CSN1S1: variants seen among roughly 807,000 people sequenced by gnomAD.
The protein encoded by CSN1S1 is alpha-S1-casein.
A neutral mutation model predicts 49.1 loss-of-function variants in CSN1S1; 63 were observed. The ratio of observed to expected loss-of-function variants is 1.28; its 90% CI spans 1.05 to 1.58. The LOEUF (loss-of-function observed/expected upper bound fraction) is 1.58, where lower values mean the gene tolerates loss of function less well. CSN1S1 is among the 40% of genes most tolerant of loss of function. CSN1S1 has a pLI of 0.00. For missense variants in CSN1S1, 260 were observed against 224.7 expected (o/e 1.16, Z -1.01); for synonymous variants, 78 against 67.1 (o/e 1.16, Z -0.79).
chr4:69,940,208 G>T (rs1722931642), intron 11 of CSN1S1, among the ~76,000 whole-genome samples, 164 bp downstream of exon 11: 2 of 150,072 alleles, frequency 1.3e-5, no homozygotes. Context: ...TTTATCAAAG[G>T]CAAATAAATA....
intron 5 of CSN1S1, among the ~76,000 whole-genome samples, chr4:69,936,180 C>A (rs1008000199): frequency 6.6e-6 from 1 of 151,946 alleles, no homozygotes; most frequent in East Asian, 1.9e-4. Flanking sequence ...AATATTAGTT[C>A]ATTTGTGAAA....
chr4:69,943,180 ATT>A (rs1723031664), intron 14 of CSN1S1, among the ~76,000 whole-genome samples: 1 of 143,520 alleles, frequency 7.0e-6, no homozygotes, highest in African/African-American at 2.8e-5. Context: ...TATTATTATT[ATT>A]ATTATTATTA....
At chr4:69,942,491 C>T in intron 13 of CSN1S1, 45 bp from the exon 14 acceptor site, 1 of 1,449,162 alleles carries the variant, frequency 6.9e-7, no homozygotes, top group South Asian at 1.2e-5. Flanking sequence ...ATGTGTTGTA[C>T]CAGAAGATGT....
At chr4:69,940,954 A>G (rs1722952509) in intron 11 of CSN1S1, 65 bp from the exon 12 acceptor site, 3 of 801,122 alleles carry the variant, frequency 3.7e-6, no homozygotes, top group Non-Finnish European at 4.0e-6. Flanking sequence ...GTTTCATCAT[A>G]TGAAAATGAT....
chr4:69,942,647 A>T, intron 14 of CSN1S1, 70 bp downstream of exon 14: 3 of 1,200,876 alleles, frequency 2.5e-6, no homozygotes, highest in Non-Finnish European at 3.6e-6. Context: ...GCTCTTAAAT[A>T]GCCCCCTACT....
chr4:69,939,482 C>A (rs1350958651), intron 10 of CSN1S1, among the ~76,000 whole-genome samples: 1 of 151,682 alleles, frequency 6.6e-6, no homozygotes, highest in African/African-American at 2.4e-5. Context: ...TTGTCCTTCG[C>A]AGATTTTGTT....
At chr4:69,944,472 A>T (rs1723084926) in intron 14 of CSN1S1, among the ~76,000 whole-genome samples, 1 of 151,978 alleles carries the variant, frequency 6.6e-6, no homozygotes, top group Non-Finnish European at 1.5e-5. Context: ...CTTTAAGGAA[A>T]ATTATATATC....
At chr4:69,937,324 T>C (rs1426563884) in intron 8 of CSN1S1, among the ~76,000 whole-genome samples, 180 bp downstream of exon 8, 1 of 150,166 alleles carries the variant, frequency 6.7e-6, no homozygotes, top group Non-Finnish European at 1.5e-5. Context: ...ATATTTTAAA[T>C]TTAAATTCTA....
chr4:69,940,100 T>G, intron 11 of CSN1S1, 56 bp downstream of exon 11: 1 of 757,952 alleles, frequency 1.3e-6, no homozygotes. Context: ...ATAATTAAAA[T>G]GCACTTACTT....
intron 2 of CSN1S1, 144 bp downstream of exon 2, chr4:69,932,750 C>T: frequency 1.4e-6 from 1 of 711,578 alleles, no homozygotes; most frequent in Non-Finnish European, 2.4e-6. Context: ...AATAGAAATG[C>T]AGTAATGCTT....
intron 5 of CSN1S1, 42 bp from the exon 6 acceptor site, chr4:69,936,414 T>C (rs780298925): frequency 4.5e-5 from 64 of 1,424,662 alleles, no homozygotes; most frequent in Non-Finnish European, 5.9e-6. Flanking sequence ...ATGTATGTCT[T>C]GTTTCACTAA....
rs1189704608 is a variant in CSN1S1, at chr4:69,936,550, A to C, written c.154-16A>C. On this transcript the variant is annotated splice_polypyrimidine_tract_variant and intron_variant, in intron 6 of 15. Transcript: ENST00000246891. ...CATGAAAACATATTTTACAAGGTAC[A>C]CTTTATTGATTTTAGCAGAGAAACA... The C allele has an allele frequency of 1.2e-6, 2 of 1,605,208 alleles. No homozygotes were observed. The highest frequency in any genetic ancestry group is 2.2e-5 in the South Asian group (2 of 89,678).
chr4:69,935,318 T>A (rs1278159226), intron 4 of CSN1S1, among the ~76,000 whole-genome samples: 1 of 151,572 alleles, frequency 6.6e-6, no homozygotes, highest in Admixed American at 6.6e-5. Context: ...GCAGGAGGAT[T>A]GCTTGAGCCC....
At chr4:69,933,380 A>G (rs1722670136) in intron 2 of CSN1S1, among the ~76,000 whole-genome samples, 1 of 151,980 alleles carries the variant, frequency 6.6e-6, no homozygotes, top group African/African-American at 2.4e-5. Context: ...CATACAGAAG[A>G]AAAATTTCTG....
intron 15 of CSN1S1, 69 bp downstream of exon 15, chr4:69,945,073 A>G (rs1723119470): frequency 2.0e-6 from 3 of 1,517,396 alleles, no homozygotes; most frequent in Non-Finnish European, 2.7e-6. Context: ...CTTGGAGAGG[A>G]TACCATAAGA....
intron 2 of CSN1S1, among the ~76,000 whole-genome samples, chr4:69,933,241 C>A (rs963435522): frequency 6.6e-6 from 1 of 151,784 alleles, no homozygotes. Context: ...GTATGTGAAC[C>A]AAAAAGTTTT....
intron 7 of CSN1S1, 24 bp from the exon 8 acceptor site, chr4:69,937,097 C>T: frequency 6.5e-7 from 1 of 1,531,806 alleles, no homozygotes; most frequent in East Asian, 2.5e-5. Context: ...TCTGTCATAC[C>T]TAACTGATTG....
At chr4:69,939,643 A>T (rs1298902132) in intron 10 of CSN1S1, among the ~76,000 whole-genome samples, 1 of 151,694 alleles carries the variant, frequency 6.6e-6, no homozygotes, top group Non-Finnish European at 1.5e-5. Flanking sequence ...GCCCTGTGTT[A>T]ATCTTGAGAA....
At chr4:69,940,500 A>G (rs767482902) in intron 11 of CSN1S1, among the ~76,000 whole-genome samples, 2 of 151,766 alleles carry the variant, frequency 1.3e-5, no homozygotes, top group Non-Finnish European at 3.0e-5. Context: ...TTTTACACGT[A>G]TGTGATGTTG....
Sources: gnomAD v4.1 joint callset for allele counts (sites outside exome capture counted in the v4.1 genomes callset) on GRCh38, gnomAD v4.1.1 for gene constraint, MANE v1.5 for transcripts, NCBI Gene and HGNC (gene_info 2026-07-23, HGNC 2026-07-21) for gene names.